MRNIP: variants seen among roughly 807,000 people sequenced by gnomAD.
MRNIP encodes MRN complex interacting protein.
MRNIP carries 30 observed loss-of-function variants against 29.8 expected under a neutral mutation model. The ratio of observed to expected loss-of-function variants is 1.01; its 90% CI spans 0.75 to 1.36. The LOEUF is 1.36. Ranked by LOEUF, MRNIP falls within the 40% of genes most tolerant of loss-of-function variation. MRNIP has a pLI of 0.00. For synonymous variants in MRNIP, 201 were observed against 164.1 expected, an observed-to-expected ratio of 1.23 and a Z score of -1.72; for missense variants, 459 against 423.5, an observed-to-expected ratio of 1.08 and a Z score of -0.74.
At chr5:179,838,045 CAA>C in intron 6 of MRNIP, 160 bp from the exon 7 acceptor site, 2 of 665,238 alleles carry the variant, frequency 3.0e-6, no homozygotes, top group Non-Finnish European at 5.0e-6. Context: ...GTTAGCAAGA[CAA>C]AGCAAATAAA....
intron 1 of MRNIP, among the ~76,000 whole-genome samples, chr5:179,857,781 G>A (rs544951389): frequency 6.6e-6 from 1 of 152,276 alleles, no homozygotes; most frequent in African/African-American, 2.4e-5. Flanking sequence ...GGGAGGCCGA[G>A]GCAGGCGGGT....
intron 1 of MRNIP, among the ~76,000 whole-genome samples, chr5:179,855,734 C>G (rs1759547981): frequency 6.6e-6 from 1 of 152,032 alleles, no homozygotes; most frequent in African/African-American, 2.4e-5. Flanking sequence ...GATCCTAATA[C>G]AAAATCATGA....
intron 5 of MRNIP, chr5:179,841,425 G>A (rs779711534): frequency 2.3e-5 from 4 of 176,674 alleles, no homozygotes; most frequent in Admixed American, 1.2e-4. Context: ...CACTGTACCC[G>A]GATGAAGGTT....
intron 3 of MRNIP, among the ~76,000 whole-genome samples, chr5:179,846,547 C>T (rs1380697302): frequency 6.6e-6 from 1 of 152,124 alleles, no homozygotes; most frequent in African/African-American, 2.4e-5. Context: ...TCCCAGTGTG[C>T]TGGGATTACA....
chr5:179,855,443 A>AT (rs1459596243), intron 1 of MRNIP, among the ~76,000 whole-genome samples: 2 of 152,122 alleles, frequency 1.3e-5, no homozygotes, highest in African/African-American at 4.8e-5. Flanking sequence ...ACCTGACATA[A>AT]TTTTTTATCC....
At chr5:179,851,423 G>A (rs548710088) in intron 2 of MRNIP, 1 of 456,038 alleles carries the variant, frequency 2.2e-6, no homozygotes, top group African/African-American at 2.0e-5. Context: ...TGACTGAACA[G>A]TCTGGGGAGA....
At chr5:179,854,211 G>A (rs1443425673) in intron 1 of MRNIP, among the ~76,000 whole-genome samples, 14 of 151,578 alleles carry the variant, frequency 9.2e-5, no homozygotes, top group Admixed American at 3.3e-4. Context: ...TAGTAGAGAC[G>A]GGGTTTCACC....
chr5:179,840,638 C>CA, intron 6 of MRNIP: 1 of 585,998 alleles, frequency 1.7e-6, no homozygotes, highest in Non-Finnish European at 3.0e-6. Flanking sequence ...CCAAGGGTCA[C>CA]AATGCTCTTT....
intron 4 of MRNIP, 79 bp from the exon 5 acceptor site, chr5:179,842,143 G>A (rs1397363685): frequency 4.2e-6 from 6 of 1,413,342 alleles, no homozygotes; most frequent in Non-Finnish European, 4.9e-6. Context: ...CCAACTCTTG[G>A]GCCTGAGGAT....
At chr5:179,852,400 G>C (rs1759411302) in intron 2 of MRNIP, among the ~76,000 whole-genome samples, 1 of 152,142 alleles carries the variant, frequency 6.6e-6, no homozygotes, top group African/African-American at 2.4e-5. Context: ...CTTCACGGTA[G>C]AGTTGTGCAT....
intron 1 of MRNIP, among the ~76,000 whole-genome samples, chr5:179,857,008 C>G (rs1759611011): frequency 6.6e-6 from 1 of 152,082 alleles, no homozygotes; most frequent in African/African-American, 2.4e-5. Context: ...ATCAGCTGAG[C>G]CCGGGAGATG....
intron 2 of MRNIP, chr5:179,853,067 T>C: frequency 1.9e-6 from 1 of 514,416 alleles, no homozygotes; most frequent in Non-Finnish European, 3.4e-6. Context: ...TAGTTTCTCT[T>C]CCCCTTCCAC....
Position 179,837,355 on chromosome 5 carries a change from CAA to C in MRNIP, c.*34_*35del, listed in dbSNP as rs1758628568. On this transcript the variant is annotated 3_prime_UTR_variant, in exon 7 of 7. Coordinates refer to ENST00000292586, the MANE Select transcript of MRNIP (RefSeq NM_016175.4). Reference sequence around the variant, plus strand: ...CTTAGGGGAACCCTGTCCCTCCTAACAAGTGTATCTCGATTAATAACCTGCCA... The same window carrying C: ...CTTAGGGGAACCCTGTCCCTCCTAACGTGTATCTCGATTAATAACCTGCCA... 1.9e-6 allele frequency: 3 copies of C among 1,582,864 alleles called. No homozygotes were observed. Among genetic ancestry groups the C allele is most frequent in the Non-Finnish European group, 1.7e-6 (2 of 1,164,086 alleles).
rs1758901159 is a variant in MRNIP, at chr5:179,841,987, T to TG, written c.368dup (p.Gly124ArgfsTer25). 6.2e-7 allele frequency: 1 copy of TG among 1,613,974 alleles called. No individual in the cohort carries two copies. On this transcript the variant is annotated frameshift_variant, in exon 5 of 7. Transcript: ENST00000292586. LOFTEE classifies it high-confidence loss of function. The stretch of plus-strand genomic sequence containing the variant: ...AAGGCTGTTTGCTGAAACACACTCC[T>TG]GTTCCTTCCAGCTCCAGTTCTTGGG...
intron 1 of MRNIP, among the ~76,000 whole-genome samples, chr5:179,853,885 G>T (rs910956321): frequency 6.6e-6 from 1 of 151,008 alleles, no homozygotes; most frequent in Admixed American, 6.6e-5. Context: ...GCTAATTTTT[G>T]TATTTTAGTA....
At chr5:179,846,576 C>T (rs765337580) in intron 3 of MRNIP, among the ~76,000 whole-genome samples, 3 of 152,240 alleles carry the variant, frequency 2.0e-5, no homozygotes, top group South Asian at 2.1e-4. Flanking sequence ...CCACCACACC[C>T]GGCCTCTGTG....
In MRNIP at chr5:179,851,667, G is replaced by T. The variant is rs759987880; in HGVS notation, c.126+1711C>A. On this transcript the variant is annotated intron_variant, in intron 2 of 6. Transcript: ENST00000292586. Reference sequence around the variant, plus strand: ...AACTTTGCTGAACCCATTCTGAAGTGTTTTTTTTCCCTTTTTTAAAAAAAA... The same window carrying T: ...AACTTTGCTGAACCCATTCTGAAGTTTTTTTTTTCCCTTTTTTAAAAAAAA... Among the ~76,000 whole-genome samples the T allele has an allele frequency of 1.7e-3, 257 of 151,638 alleles. 5 individuals carry two copies. The highest frequency in any genetic ancestry group is 2.5e-3 in the Non-Finnish European group (170 of 67,882).
intron 1 of MRNIP, among the ~76,000 whole-genome samples, chr5:179,857,129 A>G (rs1377325985): frequency 6.6e-6 from 1 of 151,970 alleles, no homozygotes; most frequent in Non-Finnish European, 1.5e-5. Context: ...ACTGGTGAAC[A>G]TGGAAGAGTG....
In MRNIP at chr5:179,853,388, G is replaced by T. The variant is rs1381732372; in HGVS notation, c.116C>A (p.Ser39Tyr). The T allele has an allele frequency of 6.2e-7, 1 of 1,613,158 alleles. No individual in the cohort carries two copies. Among genetic ancestry groups the T allele is most frequent in the Non-Finnish European group, 8.5e-7 (1 of 1,179,726 alleles). Residue 39 changes from serine (S) to tyrosine (Y), a missense_variant, in exon 2 of 7, where the codon TCC becomes TAC. Coordinates refer to ENST00000292586, the MANE Select transcript of MRNIP (RefSeq NM_016175.4). Reference protein sequence around the residue: ...WTCKACGEKQSFLQAYGEGSG... With the variant: ...WTCKACGEKQYFLQAYGEGSG... ...TTTTGTAGGACTCACCTGCAAAAAG[G>T]ACTGCTTCTCTCCACAAGCTTTGCA...
Sources: gnomAD v4.1 joint callset for allele counts (sites outside exome capture counted in the v4.1 genomes callset) on GRCh38, gnomAD v4.1.1 for gene constraint, MANE v1.5 for transcripts, NCBI Gene and HGNC (gene_info 2026-07-23, HGNC 2026-07-21) for gene names.